SLC26A5: variants seen among roughly 807,000 people sequenced by gnomAD.
The protein encoded by SLC26A5 is solute carrier family 26 member 5.
Under a neutral mutation model 81.0 loss-of-function variants are expected in SLC26A5, and 51 were observed. The ratio of observed to expected loss-of-function variants is 0.63; its 90% CI spans 0.50 to 0.80. The LOEUF (loss-of-function observed/expected upper bound fraction) is 0.80. Among genes scored for constraint, SLC26A5 ranks in the 30% least tolerant of loss-of-function variants. SLC26A5 has a pLI of 0.00. For synonymous variants in SLC26A5, 325 were observed against 332.8 expected (o/e 0.98, Z 0.25); for missense variants, 771 against 905.8 (o/e 0.85, Z 1.91).
rs1753537071 is a variant in SLC26A5, at chr7:103,377,709, G to A, written c.1876C>T (p.Pro626Ser). Residue 626 changes from proline to serine, a missense_variant, in exon 18 of 20, where the codon CCT becomes TCT. By Grantham distance (74) the Pro-to-Ser change is moderately conservative (BLOSUM62 -1). Transcript: ENST00000306312. ...GGCATAAATCTTTGCATTTCCTCAG[G>A]AAATGTGCTTTTGATCACTATTGGG... is the stretch of plus-strand genomic sequence containing the variant. The part of the protein sequence containing the change: ...YPPIVIKSTF[P>S]EEMQRFMPPG... 2 of 1,614,048 alleles carry A rather than the reference G, an allele frequency of 1.2e-6. No individual in the cohort carries two copies. The highest frequency in any genetic ancestry group is 2.7e-5 in the African/African-American group (2 of 75,008).
chr7:103,377,279 T>A (rs1821421562), intron 18 of SLC26A5, among the ~76,000 whole-genome samples: 1 of 152,202 alleles, frequency 6.6e-6, no homozygotes, highest in Admixed American at 6.5e-5. Context: ...CTAAAACGAA[T>A]CTTCTTGTAG....
intron 2 of SLC26A5, among the ~76,000 whole-genome samples, chr7:103,429,074 C>T (rs946044586): frequency 3.3e-5 from 5 of 152,200 alleles, no homozygotes; most frequent in Admixed American, 2.6e-4. Flanking sequence ...CCAGTGACAA[C>T]ATTCTGGGAA....
rs750112404 is a variant in SLC26A5 at position 103,374,584 on chromosome 7, C to T, written c.2050G>A (p.Val684Met). The change falls in exon 20 of 20, where the codon GTG (valine) becomes ATG (methionine). Residue 684 changes from valine to methionine, a missense_variant. By Grantham distance (21) the Val-to-Met change is conservative. Coordinates refer to ENST00000306312, the MANE Select transcript of SLC26A5 (RefSeq NM_198999.3). Reference protein sequence around the residue: ...VYLAGCSAQVVNDLTRNRFFE... With the variant: ...VYLAGCSAQVMNDLTRNRFFE... ...AATCTATTCCGAGTGAGGTCATTCA[C>T]AACTTGTGCTATTAAAAGAAGAAAA... 6.2e-7 allele frequency: 1 copy of T among 1,613,360 alleles called. No homozygotes were observed.
At chr7:103,369,523 C>T (rs1342377447), downstream of SLC26A5, 1 of 152,132 alleles carries the variant, frequency 6.6e-6, no homozygotes, top group Non-Finnish European at 1.5e-5. Context: ...AATTTAGGTC[C>T]ATAAGGAAAA....
intron 12 of SLC26A5, among the ~76,000 whole-genome samples, chr7:103,390,080 C>T (rs1822524127): frequency 6.6e-6 from 1 of 152,082 alleles, no homozygotes; most frequent in African/African-American, 2.4e-5. Context: ...ATTAAATATA[C>T]CATCATGTAA....
intron 14 of SLC26A5, among the ~76,000 whole-genome samples, chr7:103,381,877 CACAT>C (rs1281408283): frequency 3.3e-5 from 5 of 151,422 alleles, no homozygotes; most frequent in African/African-American, 9.7e-5. Context: ...ACACATAATA[CACAT>C]ACATACACAT....
intron 2 of SLC26A5, among the ~76,000 whole-genome samples, chr7:103,439,057 A>C (rs1440275268): frequency 1.3e-5 from 2 of 152,212 alleles, no homozygotes; most frequent in African/African-American, 4.8e-5. Flanking sequence ...TACATTTTGC[A>C]TAAGTTTATT....
chr7:103,411,651 T>C (rs966337015), intron 5 of SLC26A5, 65 bp from the exon 6 acceptor site: 5 of 1,572,192 alleles, frequency 3.2e-6, no homozygotes, highest in Non-Finnish European at 4.4e-6. Context: ...TTTTTGCCAG[T>C]ACACCAAGAG....
chr7:103,385,810 C>T (rs902396482), intron 14 of SLC26A5, among the ~76,000 whole-genome samples: 2 of 151,230 alleles, frequency 1.3e-5, no homozygotes, highest in African/African-American at 4.9e-5. Context: ...AAGTGATCCT[C>T]CCACCTCAGC....
chr7:103,409,850 G>A (rs1409582885), intron 7 of SLC26A5, among the ~76,000 whole-genome samples: 6 of 151,954 alleles, frequency 3.9e-5, no homozygotes, highest in Non-Finnish European at 8.8e-5. Flanking sequence ...TGGGATCACA[G>A]GTGCCCGCCA....
intron 9 of SLC26A5, among the ~76,000 whole-genome samples, chr7:103,395,019 G>A (rs2116509722): frequency 6.6e-6 from 1 of 152,350 alleles, no homozygotes; most frequent in East Asian, 1.9e-4. Context: ...TCAGACACGT[G>A]AGTGAAGCCC....
At chr7:103,397,327 G>A (rs964005366) in intron 9 of SLC26A5, among the ~76,000 whole-genome samples, 1 of 151,714 alleles carries the variant, frequency 6.6e-6, no homozygotes, top group Non-Finnish European at 1.5e-5. Flanking sequence ...GGATCACGAG[G>A]TCAGGAAATT....
At chr7:103,374,640 T>C (rs772092932) in intron 19 of SLC26A5, 48 bp from the exon 20 acceptor site, 4 of 1,566,086 alleles carry the variant, frequency 2.6e-6, no homozygotes, top group Non-Finnish European at 3.5e-6. Flanking sequence ...GATATCAGTC[T>C]TCAACAATTA....
At chr7:103,362,791 T>TTTA in intron 19 of SLC26A5, 1 of 1,400,276 alleles carries the variant, frequency 7.1e-7, no homozygotes, top group Non-Finnish European at 9.9e-7. Context: ...AGGAAGGCTA[T>TTTA]GTCTTTTTTT....
rs1477684301 is a variant in SLC26A5 at position 103,352,749 on chromosome 7, A to T, written c.*161T>A. 8 of 738,262 alleles carry T rather than the reference A, an allele frequency of 1.1e-5. No homozygotes were observed. In the Admixed American group the frequency reaches 1.4e-4, roughly 13 times the overall value. The allele number at this position is 738,262 out of a possible 1,614,324, so 45.7% of individuals were successfully genotyped here. A position where few individuals can be genotyped will look rare whatever the true frequency, so the allele number is the denominator to read the frequency against. On this transcript the variant is annotated 3_prime_UTR_variant, in exon 20 of 20. Transcript: ENST00000339444. ...ATCCTGGTAGATTCATTTTTTCTTT[A>T]TTTCACAAAAGAGAAAACAAAGTTC...
downstream of SLC26A5, among the ~76,000 whole-genome samples, chr7:103,373,837 C>G (rs1450999557): frequency 1.3e-5 from 2 of 152,162 alleles, no homozygotes; most frequent in East Asian, 3.8e-4. Context: ...CAGTGGTAAT[C>G]TCTGAGTGGT....
rs369124925 is a variant in SLC26A5, at chr7:103,392,931, A to G, written c.1107T>C (p.Val369=). ...KTLANKHGYQ[V]DGNQELIALG... ...TGATTATCTTTACCTGATTGCCGTC[A>G]ACCTGGTAGCCATGTTTATTTGCTA... Residue 369 remains valine, a synonymous_variant, in exon 10 of 20, where the codon GTT becomes GTC. Coordinates refer to ENST00000306312, the MANE Select transcript of SLC26A5 (RefSeq NM_198999.3). 1 of 1,614,082 alleles carries G rather than the reference A, an allele frequency of 6.2e-7. No individual in the cohort carries two copies. Among genetic ancestry groups the G allele is most frequent in the Non-Finnish European group, 8.5e-7 (1 of 1,179,932 alleles).
chr7:103,399,201 AAG>A (rs1823384618), intron 8 of SLC26A5, among the ~76,000 whole-genome samples: 5 of 152,304 alleles, frequency 3.3e-5, no homozygotes, highest in Middle Eastern at 3.4e-3. Context: ...GGAAACATGG[AAG>A]AGTCTTTAAA....
chr7:103,366,770 G>A (rs1191004670), intron 19 of SLC26A5, among the ~76,000 whole-genome samples: 1 of 152,102 alleles, frequency 6.6e-6, no homozygotes, highest in Non-Finnish European at 1.5e-5. Flanking sequence ...TGGCTTCACA[G>A]ATTTGATGAA....
Sources: allele counts gnomAD v4.1 joint callset (sites outside exome capture counted in the v4.1 genomes callset), GRCh38; gene constraint gnomAD v4.1.1; transcripts MANE v1.5; gene names NCBI Gene and HGNC (gene_info 2026-07-23, HGNC 2026-07-21).